LZTFL1: variants seen among roughly 807,000 people sequenced by gnomAD.
LZTFL1 encodes the protein leucine zipper transcription factor like 1.
Under a neutral mutation model 45.9 loss-of-function variants are expected in LZTFL1, and 25 were observed. The ratio of observed to expected loss-of-function variants is 0.54; its 90% CI spans 0.40 to 0.76. LZTFL1 has a LOEUF of 0.76. Among genes scored for constraint, LZTFL1 ranks in the 30% least tolerant of loss-of-function variants. LZTFL1 has a pLI of 0.00. For synonymous variants in LZTFL1, 93 were observed against 117.4 expected (o/e 0.79, Z 1.35); for missense variants, 277 against 331.1 (o/e 0.84, Z 1.27).
At chr3:45,841,807 G>A (rs532540221) in intron 1 of LZTFL1, 182 bp downstream of exon 1, 8 of 727,448 alleles carry the variant, frequency 1.1e-5, no homozygotes, top group East Asian at 1.1e-4. Context: ...TACCCCAGAA[G>A]GGCTTGGGCT....
rs1183568161 is a variant in LZTFL1 at position 45,825,503 on chromosome 3, A to AAAT, written c.*810_*811insATT. On this transcript the variant is annotated 3_prime_UTR_variant, in exon 10 of 10. Coordinates refer to ENST00000296135, the MANE Select transcript of LZTFL1 (RefSeq NM_020347.4). ...ATTTTATGTTGAATATACGTCTTTTAAAAAGTGTTCTTATTGAACATAAAA... is the reference window on the plus strand; with the variant it reads ...ATTTTATGTTGAATATACGTCTTTTAAATAAAAGTGTTCTTATTGAACATAAAA... 6.6e-6 allele frequency: 1 copy of AAAT among 152,216 alleles called. No homozygotes were observed. Among genetic ancestry groups the AAAT allele is most frequent in the African/African-American group, 2.4e-5 (1 of 41,468 alleles). 9.4% of individuals were successfully genotyped at this position (152,216 alleles called of 1,614,324 possible). A position where few individuals can be genotyped will look rare whatever the true frequency, so the allele number is the denominator to read the frequency against.
intron 2 of LZTFL1, among the ~76,000 whole-genome samples, chr3:45,908,850 G>A (rs1247083647): frequency 6.6e-6 from 1 of 152,148 alleles, no homozygotes; most frequent in South Asian, 2.1e-4. Flanking sequence ...CAACCCCTGG[G>A]CCACAGACCA....
At chr3:45,904,915 C>G (rs1702647970) in intron 2 of LZTFL1, among the ~76,000 whole-genome samples, 1 of 152,172 alleles carries the variant, frequency 6.6e-6, no homozygotes, top group Non-Finnish European at 1.5e-5. Flanking sequence ...CATCCCCCAG[C>G]ACCAGCCTGG....
chr3:45,873,317 T>TTAAAAGAA (rs1701699142), intron 2 of LZTFL1, among the ~76,000 whole-genome samples: 1 of 152,238 alleles, frequency 6.6e-6, no homozygotes, highest in Non-Finnish European at 1.5e-5. Flanking sequence ...ACTGGGAGGT[T>TTAAAAGAA]TTAAATAATT....
chr3:45,848,640 A>G (rs188361373), intron 4 of LZTFL1, among the ~76,000 whole-genome samples: 4 of 152,380 alleles, frequency 2.6e-5, no homozygotes, highest in Admixed American at 1.3e-4. Flanking sequence ...TTACATTAGT[A>G]CAAAGTGTAC....
chr3:45,913,053 C>T, intron 2 of LZTFL1: 1 of 1,424,728 alleles, frequency 7.0e-7, no homozygotes, highest in Non-Finnish European at 9.5e-7. Context: ...TTAGAGAAAA[C>T]CACTCCTACA....
chr3:45,891,081 A>G (rs1233718465), intron 2 of LZTFL1, among the ~76,000 whole-genome samples: 1 of 152,204 alleles, frequency 6.6e-6, no homozygotes, highest in African/African-American at 2.4e-5. Flanking sequence ...ATTTCCTGCA[A>G]ACACGTGTGT....
At chr3:45,867,853 A>G (rs1034231919) in intron 2 of LZTFL1, among the ~76,000 whole-genome samples, 1 of 152,164 alleles carries the variant, frequency 6.6e-6, no homozygotes, top group South Asian at 2.1e-4. Context: ...CAAAACAACA[A>G]CGACAACGAA....
At chr3:45,826,470 G>T in intron 9 of LZTFL1, 138 bp from the exon 10 acceptor site, 1 of 724,964 alleles carries the variant, frequency 1.4e-6, no homozygotes, top group Non-Finnish European at 2.4e-6. Context: ...ATTCAACTTT[G>T]TTTTGATGGT....
At chr3:45,909,078 A>T (rs947485874) in intron 2 of LZTFL1, among the ~76,000 whole-genome samples, 1 of 152,190 alleles carries the variant, frequency 6.6e-6, no homozygotes, top group Non-Finnish European at 1.5e-5. Flanking sequence ...CCCTATGAGA[A>T]TCTAATGCCT....
chr3:45,851,970 C>T lies in LZTFL1; in HGVS notation c.-49+3016G>A, dbSNP rs59902759. ...TAGATGCCTGGACATTGTGGGTCAGCTCCTGCTCCACTCCACCCAAGTGGC... is the reference window on the plus strand; with the variant it reads ...TAGATGCCTGGACATTGTGGGTCAGTTCCTGCTCCACTCCACCCAAGTGGC... On this transcript the variant is annotated intron_variant, in intron 4 of 4. Transcript: ENST00000472635. Among the ~76,000 whole-genome samples, 369 of 152,264 alleles carry T rather than the reference C, an allele frequency of 2.4e-3. 3 individuals are homozygous for T. Among genetic ancestry groups the T allele is most frequent in the African/African-American group, 8.6e-3 (358 of 41,556 alleles).
chr3:45,829,864 G>A (rs1336178370), intron 7 of LZTFL1, among the ~76,000 whole-genome samples: 1 of 152,114 alleles, frequency 6.6e-6, no homozygotes, highest in Non-Finnish European at 1.5e-5. Context: ...TGGAACATTC[G>A]TGTTTTTATA....
chr3:45,869,155 G>A (rs546785990), intron 2 of LZTFL1, among the ~76,000 whole-genome samples: 44 of 152,282 alleles, frequency 2.9e-4, no homozygotes, highest in African/African-American at 9.6e-4. Context: ...GATGGGCAGA[G>A]CACGAGATCA....
rs1480521910 is a variant in LZTFL1 at position 45,855,026 on chromosome 3, T to A, written c.-89A>T. Reference sequence around the variant, plus strand: ...AACTTAGCCCAGCTTCTTGGAAAAGTCACCAAAGGGTGGGTAGGGTACAAC... The same window carrying A: ...AACTTAGCCCAGCTTCTTGGAAAAGACACCAAAGGGTGGGTAGGGTACAAC... On this transcript the variant is annotated 5_prime_UTR_variant, in exon 4 of 5. Coordinates refer to the LZTFL1 transcript ENST00000472635. 5 of 1,535,466 alleles carry A rather than the reference T, an allele frequency of 3.3e-6. No homozygotes were observed. In the Admixed American group the frequency reaches 9.8e-5, roughly 30 times the overall value.
chr3:45,830,406 C>A (rs1700782925), intron 7 of LZTFL1, among the ~76,000 whole-genome samples: 1 of 152,196 alleles, frequency 6.6e-6, no homozygotes, highest in Admixed American at 6.5e-5. Flanking sequence ...TCATTGTACT[C>A]TATGGTGCCG....
At chr3:45,906,035 C>T (rs1702672161) in intron 2 of LZTFL1, among the ~76,000 whole-genome samples, 2 of 152,304 alleles carry the variant, frequency 1.3e-5, no homozygotes, top group South Asian at 2.1e-4. Context: ...TCCTAATAAA[C>T]ACCTTGCACC....
At chr3:45,850,120 A>G (rs1331199591) in intron 4 of LZTFL1, among the ~76,000 whole-genome samples, 1 of 152,232 alleles carries the variant, frequency 6.6e-6, no homozygotes, top group Non-Finnish European at 1.5e-5. Context: ...AAATGGATAT[A>G]TATTTTAAAA....
intron 2 of LZTFL1, among the ~76,000 whole-genome samples, chr3:45,894,734 A>G (rs183260914): frequency 1.3e-5 from 2 of 152,328 alleles, no homozygotes; most frequent in East Asian, 3.9e-4. Context: ...TTCTGTGTGG[A>G]CTACTCAGAT....
At chr3:45,864,491 A>G (rs1174130688) in intron 2 of LZTFL1, among the ~76,000 whole-genome samples, 1 of 152,270 alleles carries the variant, frequency 6.6e-6, no homozygotes, top group Non-Finnish European at 1.5e-5. Context: ...TTATGAAGTC[A>G]TTAACAATTA....
Sources: allele counts gnomAD v4.1 joint callset (sites outside exome capture counted in the v4.1 genomes callset), GRCh38; gene constraint gnomAD v4.1.1; transcripts MANE v1.5; gene names NCBI Gene and HGNC (gene_info 2026-07-23, HGNC 2026-07-21).